The following CHRNA6 variants were observed in gnomAD, a reference collection of about 807,000 sequenced individuals.
The protein encoded by CHRNA6 is cholinergic receptor nicotinic alpha 6 subunit, also known as neuronal acetylcholine receptor subunit alpha-6.
In CHRNA6, 31 loss-of-function variants were observed where a neutral mutation model predicts 40.9. The observed-to-expected ratio is 0.76, with a 90% CI of 0.57 to 1.02. The LOEUF (loss-of-function observed/expected upper bound fraction) is 1.02. Among genes scored for constraint, CHRNA6 ranks in the 50% least tolerant of loss-of-function variants. The probability of loss-of-function intolerance (pLI) is 0.00; values close to 1 mark genes in which losing one functional copy is unlikely to be tolerated. For synonymous variants in CHRNA6, 222 were observed against 221.3 expected (o/e 1.00, Z -0.03); for missense variants, 546 against 596.6 (o/e 0.92, Z 0.88).
At chr8:42,759,968 C>G (rs940875612) in intron 2 of CHRNA6, among the ~76,000 whole-genome samples, 1 of 151,744 alleles carries the variant, frequency 6.6e-6, no homozygotes, top group South Asian at 2.1e-4. Flanking sequence ...TCACCCCCAG[C>G]GAAGCCACCA....
At chr8:42,766,066 G>A (rs1032721038) in intron 1 of CHRNA6, among the ~76,000 whole-genome samples, 1 of 152,066 alleles carries the variant, frequency 6.6e-6, no homozygotes, top group African/African-American at 2.4e-5. Context: ...CCCATTACTG[G>A]GTATATACCC....
Position 42,763,902 on chromosome 8 carries a change from T to C in CHRNA6, c.219+1163A>G, listed in dbSNP as rs77459440. Among the ~76,000 whole-genome samples, 830 of 152,150 alleles carry C rather than the reference T, an allele frequency of 5.5e-3. 6 individuals are homozygous for C. Among genetic ancestry groups the C allele is most frequent in the African/African-American group, 0.019 (792 of 41,496 alleles). On this transcript the variant is annotated intron_variant, in intron 2 of 5. Coordinates refer to ENST00000276410, the MANE Select transcript of CHRNA6 (RefSeq NM_004198.3). ...TCATGCCTGTCATTAGGGTCTTTCC[T>C]CAGGTGTACCCAGAAGGGCCACCGC...
chr8:42,765,776 C>A (rs1816968010), intron 1 of CHRNA6, among the ~76,000 whole-genome samples: 1 of 152,160 alleles, frequency 6.6e-6, no homozygotes, highest in Non-Finnish European at 1.5e-5. Context: ...ACAGACACTT[C>A]TCAAAAGTAG....
chr8:42,756,314 G>A lies in CHRNA6; in HGVS notation c.885C>T (p.Ser295=). 6.2e-7 allele frequency: 1 copy of A among 1,614,234 alleles called. No individual in the cohort carries two copies. Among genetic ancestry groups the A allele is most frequent in the Non-Finnish European group, 8.5e-7 (1 of 1,180,048 alleles). Residue 295 remains serine, a synonymous_variant, in exon 5 of 6, where the codon TCC becomes TCT. Coordinates refer to ENST00000276410, the MANE Select transcript of CHRNA6 (RefSeq NM_004198.3). The part of the protein sequence containing the change: ...FLLVITETIP[S]TSLVVPLVGE... Reference sequence around the variant, plus strand: ...CCACCAGTGGGACCACCAGAGATGTGGATGGGATGGTTTCTGTGATGACCA... The same window carrying A: ...CCACCAGTGGGACCACCAGAGATGTAGATGGGATGGTTTCTGTGATGACCA...
intron 2 of CHRNA6, among the ~76,000 whole-genome samples, chr8:42,760,103 A>G (rs1271134237): frequency 6.6e-6 from 1 of 152,168 alleles, no homozygotes; most frequent in Non-Finnish European, 1.5e-5. Context: ...TTAGATGGGG[A>G]GACATAAAAT....
At chr8:42,759,230 G>C in intron 2 of CHRNA6, 117 bp from the exon 3 acceptor site, 1 of 765,984 alleles carries the variant, frequency 1.3e-6, no homozygotes, top group Non-Finnish European at 2.3e-6. Flanking sequence ...AATAGAAGAA[G>C]ACTTCAAGGC....
intron 2 of CHRNA6, among the ~76,000 whole-genome samples, chr8:42,761,809 A>C (rs1357346801): frequency 1.3e-5 from 2 of 152,160 alleles, no homozygotes; most frequent in African/African-American, 4.8e-5. Context: ...AAAATCAATT[A>C]ATTGACACAG....
chr8:42,764,358 TC>T (rs1212429688), intron 2 of CHRNA6, among the ~76,000 whole-genome samples: 1 of 151,940 alleles, frequency 6.6e-6, no homozygotes, highest in Non-Finnish European at 1.5e-5. Context: ...TTTTTTTTTT[TC>T]CTCTGTCACC....
chr8:42,759,245 T>G, intron 2 of CHRNA6, 132 bp from the exon 3 acceptor site: 1 of 686,084 alleles, frequency 1.5e-6, no homozygotes, highest in Non-Finnish European at 2.6e-6. Flanking sequence ...CAAGGCAATG[T>G]GTGAAAGCAT....
intron 2 of CHRNA6, among the ~76,000 whole-genome samples, chr8:42,759,588 A>T (rs1362825476): frequency 6.6e-6 from 1 of 151,918 alleles, no homozygotes; most frequent in Admixed American, 6.6e-5. Context: ...CTGCCCTGGG[A>T]TCCTATCTTG....
intron 1 of CHRNA6, among the ~76,000 whole-genome samples, chr8:42,766,569 C>T (rs917095314): frequency 6.6e-6 from 1 of 152,120 alleles, no homozygotes; most frequent in Non-Finnish European, 1.5e-5. Context: ...TAAAAATGAA[C>T]AAGATCGTGC....
At chr8:42,753,824 C>A (rs1816755718) in intron 5 of CHRNA6, among the ~76,000 whole-genome samples, 1 of 152,170 alleles carries the variant, frequency 6.6e-6, no homozygotes, top group Non-Finnish European at 1.5e-5. Context: ...TGCGGCAAAG[C>A]CCTGACTCCG....
intron 1 of CHRNA6, among the ~76,000 whole-genome samples, chr8:42,766,971 C>T (rs1040674308): frequency 3.3e-5 from 5 of 152,088 alleles, no homozygotes; most frequent in Admixed American, 1.3e-4. Flanking sequence ...TTTGAAACTT[C>T]CTTTTTGTTG....
rs771129389 is a variant in CHRNA6, at chr8:42,756,828, C to G, written c.375-4G>C. 15 of 1,606,202 alleles carry G rather than the reference C, an allele frequency of 9.3e-6. 1 individual carries two copies. In the South Asian group the frequency reaches 1.7e-4, roughly 18 times the overall value. ...TACTTGGAAGTCACCAACAGCACTG[C>G]AAAGCAAGTCAGACACCATTAGTAA... On this transcript the variant is annotated splice_polypyrimidine_tract_variant and splice_region_variant and intron_variant, in intron 4 of 5. Coordinates refer to ENST00000276410, the MANE Select transcript of CHRNA6 (RefSeq NM_004198.3).
intron 1 of CHRNA6, 95 bp downstream of exon 1, chr8:42,768,257 C>T (rs1040842914): frequency 1.1e-5 from 11 of 1,020,294 alleles, no homozygotes; most frequent in Non-Finnish European, 1.6e-5. Flanking sequence ...ACCATAGAAA[C>T]TTTTATTAAT....
At chr8:42,758,021 C>A (rs1238681392) in intron 3 of CHRNA6, among the ~76,000 whole-genome samples, 3 of 150,796 alleles carry the variant, frequency 2.0e-5, no homozygotes, top group Admixed American at 6.6e-5. Flanking sequence ...GGCGACAGAG[C>A]GAGACTCCGT....
chr8:42,753,065 A>C lies in CHRNA6; in HGVS notation c.*114T>G, dbSNP rs1489529042. On this transcript the variant is annotated 3_prime_UTR_variant, in exon 6 of 6. Transcript: ENST00000276410. ...AGTCCTCTTTTTCCATGTAGCCATC[A>C]GTTTTAGCAGATGGGGGACTTGGGT... 1.1e-6 allele frequency: 1 copy of C among 906,088 alleles called. No individual in the cohort carries two copies. The highest frequency in any genetic ancestry group is 1.7e-6 in the Non-Finnish European group (1 of 595,354). The allele number at this position is 906,088 out of a possible 1,614,324, so 56.1% of individuals were successfully genotyped here. A position where few individuals can be genotyped will look rare whatever the true frequency, so the allele number is the denominator to read the frequency against.
chr8:42,757,143 G>A (rs7000412), intron 3 of CHRNA6, 106 bp from the exon 4 acceptor site: 183,846 of 748,698 alleles, frequency 0.25, 30,379 homozygotes, highest in African/African-American at 0.73. Flanking sequence ...AGGCAGGCAG[G>A]TCACTTGAGG....
intron 1 of CHRNA6, among the ~76,000 whole-genome samples, chr8:42,766,456 C>G (rs1362783686): frequency 1.3e-5 from 2 of 149,308 alleles, no homozygotes; most frequent in East Asian, 3.9e-4. Flanking sequence ...CGTGCCACTG[C>G]ACTCCAGCCT....
Sources: allele counts gnomAD v4.1 joint callset (sites outside exome capture counted in the v4.1 genomes callset), GRCh38; gene constraint gnomAD v4.1.1; transcripts MANE v1.5; gene names NCBI Gene and HGNC (gene_info 2026-07-23, HGNC 2026-07-21).